LOC128092252: variants seen among roughly 807,000 people sequenced by gnomAD.
chr15:50,651,134 C>T, the LOC128092252 span, among the ~76,000 whole-genome samples: 1 of 152,130 alleles, frequency 6.6e-6, no homozygotes, highest in Admixed American at 6.6e-5. Flanking sequence ...TTGCAGTCAA[C>T]TGATATGGTG....
At chr15:50,663,094 T>G in the LOC128092252 span, 1 of 1,406,028 alleles carries the variant, frequency 7.1e-7, no homozygotes, top group Non-Finnish European at 9.9e-7. Context: ...ACCCACTAAA[T>G]AAGAAGGAAA....
chr15:50,653,103 C>T, the LOC128092252 span, among the ~76,000 whole-genome samples: 2 of 152,120 alleles, frequency 1.3e-5, no homozygotes, highest in African/African-American at 2.4e-5. Context: ...GTGACTGTGA[C>T]ACTGCACTCC....
chr15:50,686,017 G>A, the LOC128092252 span, among the ~76,000 whole-genome samples: 3 of 152,204 alleles, frequency 2.0e-5, no homozygotes, highest in Non-Finnish European at 4.4e-5. Flanking sequence ...AGTATCCGCT[G>A]CACAGCAAAC....
the LOC128092252 span, among the ~76,000 whole-genome samples, chr15:50,669,705 T>C: frequency 6.6e-6 from 1 of 152,138 alleles, no homozygotes; most frequent in Non-Finnish European, 1.5e-5. Flanking sequence ...TCATCAGTTG[T>C]TTGAGTTTTT....
chr15:50,674,241 G>A, the LOC128092252 span, among the ~76,000 whole-genome samples: 8 of 152,100 alleles, frequency 5.3e-5, no homozygotes, highest in East Asian at 1.9e-4. Context: ...CATCTGCCTC[G>A]GCCTCCCAAA....
chr15:50,672,366 A>ATT, the LOC128092252 span, among the ~76,000 whole-genome samples: 1 of 145,408 alleles, frequency 6.9e-6, no homozygotes, highest in African/African-American at 2.5e-5. Context: ...ACTCCTACCT[A>ATT]TTTTTTTTTT....
chr15:50,658,550 C>T, the LOC128092252 span, among the ~76,000 whole-genome samples: 18 of 143,812 alleles, frequency 1.3e-4, no homozygotes, highest in Non-Finnish European at 2.1e-4. Flanking sequence ...CCAGCCTGGG[C>T]GAAAGAGCGA....
chr15:50,679,301 C>T, the LOC128092252 span, among the ~76,000 whole-genome samples: 1 of 149,508 alleles, frequency 6.7e-6, no homozygotes, highest in African/African-American at 2.5e-5. Flanking sequence ...TGTCACTGCA[C>T]TCTGACATGG....
chr15:50,656,370 G>A, the LOC128092252 span, among the ~76,000 whole-genome samples: 6 of 152,056 alleles, frequency 3.9e-5, no homozygotes, highest in African/African-American at 1.4e-4. Flanking sequence ...TGTGATCAGG[G>A]CTTATTGCAG....
chr15:50,675,913 T>C, the LOC128092252 span, among the ~76,000 whole-genome samples: 1 of 152,224 alleles, frequency 6.6e-6, no homozygotes, highest in Non-Finnish European at 1.5e-5. Context: ...ATCCCAGCTC[T>C]GCTGTTTACT....
the LOC128092252 span, among the ~76,000 whole-genome samples, chr15:50,678,559 T>C: frequency 4.0e-5 from 6 of 148,810 alleles, no homozygotes; most frequent in South Asian, 8.4e-4. Flanking sequence ...CACACACATA[T>C]ACATAATTTT....
At chr15:50,650,996 C>T in the LOC128092252 span, among the ~76,000 whole-genome samples, 48 of 152,000 alleles carry the variant, frequency 3.2e-4, no homozygotes, top group African/African-American at 9.6e-4. Context: ...TAGACCAGCC[C>T]GGGCAACATG....
At chr15:50,663,812 A>C in the LOC128092252 span, among the ~76,000 whole-genome samples, 1 of 152,098 alleles carries the variant, frequency 6.6e-6, no homozygotes, top group Non-Finnish European at 1.5e-5. Context: ...AAAGCTAAAA[A>C]ATTAGCCAGG....
At chr15:50,680,987 T>G in the LOC128092252 span, among the ~76,000 whole-genome samples, 1 of 152,088 alleles carries the variant, frequency 6.6e-6, no homozygotes, top group African/African-American at 2.4e-5. Context: ...GCGAGGTGGC[T>G]CATGCCTGTA....
the LOC128092252 span, chr15:50,662,979 T>A: frequency 6.2e-7 from 1 of 1,613,072 alleles, no homozygotes; most frequent in East Asian, 2.2e-5. Flanking sequence ...GTGAGGGTCC[T>A]TGGAACTTGG....
chr15:50,679,046 G>C, the LOC128092252 span, among the ~76,000 whole-genome samples: 1 of 151,816 alleles, frequency 6.6e-6, no homozygotes, highest in African/African-American at 2.4e-5. Flanking sequence ...GCTAATTTTT[G>C]TATTTTTAGT....
At chr15:50,658,693 A>C in the LOC128092252 span, among the ~76,000 whole-genome samples, 1 of 152,234 alleles carries the variant, frequency 6.6e-6, no homozygotes, top group African/African-American at 2.4e-5. Flanking sequence ...TCAAAATAAA[A>C]AACGTTGACT....
At chr15:50,669,572 T>C in the LOC128092252 span, among the ~76,000 whole-genome samples, 2 of 152,294 alleles carry the variant, frequency 1.3e-5, no homozygotes, top group African/African-American at 4.8e-5. Context: ...ATACAAATAA[T>C]CTGGCCAAGT....
the LOC128092252 span, among the ~76,000 whole-genome samples, chr15:50,653,177 G>A: frequency 3.9e-5 from 6 of 152,256 alleles, no homozygotes; most frequent in South Asian, 2.1e-4. Flanking sequence ...AGAAACGGAC[G>A]TGGTGGCTCA....
Sources: allele counts gnomAD v4.1 joint callset (sites outside exome capture counted in the v4.1 genomes callset), GRCh38; gene constraint gnomAD v4.1.1; transcripts MANE v1.5.